NOL11: variants seen among roughly 807,000 people sequenced by gnomAD.
NOL11 encodes the protein nucleolar protein 11.
A neutral mutation model predicts 93.0 loss-of-function variants in NOL11; 42 were observed. The observed-to-expected ratio is 0.45, with a 90% CI of 0.35 to 0.58. The LOEUF is 0.58. Ranked by LOEUF, NOL11 falls within the 20% of genes least tolerant of loss-of-function variation. The pLI, the probability that NOL11 is intolerant of heterozygous loss-of-function variation, is 0.00. For missense variants in NOL11, 775 were observed against 841.8 expected, an observed-to-expected ratio of 0.92 and a Z score of 0.98; for synonymous variants, 296 against 293.7, an observed-to-expected ratio of 1.01 and a Z score of -0.08.
intron 7 of NOL11, among the ~76,000 whole-genome samples, chr17:67,733,440 A>G (rs974274289): frequency 3.3e-5 from 5 of 152,154 alleles, no homozygotes; most frequent in African/African-American, 1.2e-4. Flanking sequence ...AGTGGTGAAA[A>G]TAAGCCTCCA....
intron 4 of NOL11, among the ~76,000 whole-genome samples, chr17:67,721,766 T>G (rs897930527): frequency 1.3e-5 from 2 of 152,210 alleles, no homozygotes; most frequent in South Asian, 4.1e-4. Context: ...ATGAAATGTG[T>G]TATCCCAAAA....
At chr17:67,721,707 A>G (rs185287732) in intron 4 of NOL11, among the ~76,000 whole-genome samples, 181 bp downstream of exon 4, 263 of 152,362 alleles carry the variant, frequency 1.7e-3, no homozygotes, top group Non-Finnish European at 2.7e-3. Context: ...TGAAGAAACC[A>G]TAGAGTCATA....
chr17:67,726,490 T>C lies in NOL11; in HGVS notation c.695T>C (p.Ile232Thr). Residue 232 changes from isoleucine (I) to threonine (T), a missense_variant, in exon 7 of 18, where the codon ATA becomes ACA. Coordinates refer to ENST00000253247, the MANE Select transcript of NOL11 (RefSeq NM_015462.5). ...GATGGTTGTATATATGAAACCTTGA[T>C]ACCAATACGTCCAGCTGACCCAGAA... ...SSDGCIYETL[I>T]PIRPADPEKN... 1 of 1,613,468 alleles carries C rather than the reference T, an allele frequency of 6.2e-7. No homozygotes were observed. The highest frequency in any genetic ancestry group is 1.1e-5 in the South Asian group (1 of 90,936).
intron 14 of NOL11, 199 bp from the exon 15 acceptor site, chr17:67,738,733 G>A: frequency 2.0e-6 from 1 of 510,290 alleles, no homozygotes; most frequent in Non-Finnish European, 3.4e-6. Context: ...CAATTCTGAA[G>A]ATCAGTATTC....
At chr17:67,738,060 T>G in intron 13 of NOL11, 62 bp from the exon 14 acceptor site, 1 of 1,551,590 alleles carries the variant, frequency 6.4e-7, no homozygotes, top group South Asian at 1.2e-5. Context: ...GCTTAGGAAA[T>G]GAAATTTTTC....
chr17:67,722,079 C>T (rs112343562), intron 4 of NOL11, among the ~76,000 whole-genome samples: 1 of 152,286 alleles, frequency 6.6e-6, no homozygotes, highest in South Asian at 2.1e-4. Context: ...TACAACGTGG[C>T]CAATAACCAG....
intron 7 of NOL11, among the ~76,000 whole-genome samples, chr17:67,728,692 A>G (rs749740862): frequency 9.9e-5 from 15 of 152,184 alleles, no homozygotes; most frequent in Non-Finnish European, 2.1e-4. Flanking sequence ...CTCGTTTAAC[A>G]CAAATGGTAG....
At chr17:67,728,825 G>A (rs577891709) in intron 7 of NOL11, among the ~76,000 whole-genome samples, 4 of 152,180 alleles carry the variant, frequency 2.6e-5, no homozygotes, top group South Asian at 2.1e-4. Context: ...ATATTTCACC[G>A]AAGGGTGGCC....
intron 7 of NOL11, among the ~76,000 whole-genome samples, chr17:67,732,182 G>C: frequency 6.6e-6 from 1 of 152,002 alleles, no homozygotes. Flanking sequence ...GCTTTCACTT[G>C]GTTAAATTTA....
intron 6 of NOL11, among the ~76,000 whole-genome samples, chr17:67,725,490 G>A (rs573481145): frequency 6.6e-6 from 1 of 152,256 alleles, no homozygotes; most frequent in African/African-American, 2.4e-5. Flanking sequence ...AAGTAAACAA[G>A]AGCAATACAT....
chr17:67,743,762 T>G lies in NOL11; in HGVS notation c.2063T>G (p.Leu688Arg). The G allele has an allele frequency of 6.5e-7, 1 of 1,529,432 alleles. No homozygotes were observed. The highest frequency in any genetic ancestry group is 1.4e-5 in the African/African-American group (1 of 70,954). The allele number at this position is 1,529,432 out of a possible 1,614,324, so 94.7% of individuals were successfully genotyped here. A position where few individuals can be genotyped will look rare whatever the true frequency, so the allele number is the denominator to read the frequency against. Residue 688 changes from leucine to arginine, a missense_variant, in exon 18 of 18, where the codon CTC becomes CGC. By Grantham distance (102) the Leu-to-Arg change is moderately radical. This residue lies in a region of NOL11 where 416 missense variants were observed against 525.2 expected (regional missense o/e 0.79). Transcript: ENST00000253247. ...CTTTAGATATCTGTTTATTCTGAGC[T>G]CAACAAGATTGAAGTAAGTTTTCGG... is the stretch of plus-strand genomic sequence containing the variant. ...VKSQISVYSE[L>R]NKIEVSFREL...
chr17:67,732,693 C>CCT (rs2055165350), intron 7 of NOL11, among the ~76,000 whole-genome samples: 1 of 151,396 alleles, frequency 6.6e-6, no homozygotes, highest in Non-Finnish European at 1.5e-5. Flanking sequence ...CCTGCCTCAA[C>CCT]CTCCTGAGCA....
In NOL11 at chr17:67,739,548, G is replaced by A. The variant is rs1458873088; in HGVS notation, c.1875G>A (p.Leu625=). ...LFLKYLYFLY[L]KCSENATMTL... ...TTAAGTATTTGTATTTCCTGTACCT[G>A]AAGTGTAGCGAAAATGCTACTATGA... Residue 625 remains leucine, a synonymous_variant, in exon 16 of 18, where the codon CTG becomes CTA. Coordinates refer to ENST00000253247, the MANE Select transcript of NOL11 (RefSeq NM_015462.5). 6.3e-7 allele frequency: 1 copy of A among 1,598,952 alleles called. No individual in the cohort carries two copies. The highest frequency in any genetic ancestry group is 8.5e-7 in the Non-Finnish European group (1 of 1,174,872).
Position 67,737,524 on chromosome 17 carries a change from A to T in NOL11, c.1235A>T (p.His412Leu). ...LSTIMKDSEK[H>L]IEVEVRKFLA... is the part of the protein sequence containing the mutation. Reference sequence around the variant, plus strand: ...CGCTTTCAGAAAGATTCAGAAAAACACATTGAAGTAGAAGTACGGAAATTT... The same window carrying T: ...CGCTTTCAGAAAGATTCAGAAAAACTCATTGAAGTAGAAGTACGGAAATTT... Residue 412 changes from histidine (H) to leucine (L), a missense_variant, in exon 12 of 18, where the codon CAC becomes CTC. This residue lies in a region of NOL11 where 416 missense variants were observed against 525.2 expected (regional missense o/e 0.79). Coordinates refer to ENST00000253247, the MANE Select transcript of NOL11 (RefSeq NM_015462.5). 1 of 1,602,394 alleles carries T rather than the reference A, an allele frequency of 6.2e-7. No homozygotes were observed. The highest frequency in any genetic ancestry group is 8.5e-7 in the Non-Finnish European group (1 of 1,176,752).
chr17:67,721,295 TAAA>T, intron 3 of NOL11, 80 bp from the exon 4 acceptor site: 1 of 859,448 alleles, frequency 1.2e-6, no homozygotes, highest in Non-Finnish European at 1.7e-6. Context: ...AGCAGTCACT[TAAA>T]AAGAAGCCTT....
intron 1 of NOL11, among the ~76,000 whole-genome samples, chr17:67,718,783 G>C (rs2043194889): frequency 6.6e-6 from 1 of 152,208 alleles, no homozygotes; most frequent in Admixed American, 6.5e-5. Flanking sequence ...AAAGAAGTTA[G>C]GTATCTGCTT....
intron 8 of NOL11, among the ~76,000 whole-genome samples, 185 bp downstream of exon 8, chr17:67,734,624 A>G (rs2055184820): frequency 6.6e-6 from 1 of 152,142 alleles, no homozygotes; most frequent in African/African-American, 2.4e-5. Context: ...AAGGGAAGAG[A>G]TCTCTTTGAA....
Position 67,721,409 on chromosome 17 carries a change from T to A in NOL11, c.344T>A (p.Val115Glu), listed in dbSNP as rs2291284. 1 of 1,608,062 alleles carries A rather than the reference T, an allele frequency of 6.2e-7. No individual in the cohort carries two copies. Among genetic ancestry groups the A allele is most frequent in the Admixed American group, 1.7e-5 (1 of 58,226 alleles). ...GCAGAAGTATATAGGATACTTTCAG[T>A]GCAAGGGACAGAACCCTTGGTGCTC... is the stretch of plus-strand genomic sequence containing the variant. ...LSAEVYRILS[V>E]QGTEPLVLFK... Residue 115 changes from valine to glutamate, a missense_variant, in exon 4 of 18, where the codon GTG becomes GAG. By Grantham distance (121) the Val-to-Glu change is moderately radical. Coordinates refer to ENST00000253247, the MANE Select transcript of NOL11 (RefSeq NM_015462.5).
intron 7 of NOL11, among the ~76,000 whole-genome samples, chr17:67,733,345 A>AC (rs1201536207): frequency 1.3e-5 from 2 of 152,174 alleles, no homozygotes; most frequent in African/African-American, 4.8e-5. Context: ...AGCCTGGGCG[A>AC]CAGAGTAAGA....
Sources: allele counts gnomAD v4.1 joint callset (sites outside exome capture counted in the v4.1 genomes callset), GRCh38; gene constraint gnomAD v4.1.1; regional missense constraint gnomAD v4.1.1; transcripts MANE v1.5; gene names NCBI Gene and HGNC (gene_info 2026-07-23, HGNC 2026-07-21).